The following RBFOX1 variants were observed in gnomAD, a reference collection of about 807,000 sequenced individuals.
RBFOX1 encodes the protein RNA binding fox-1 homolog 1, also known as RNA binding protein fox-1 homolog 1.
A neutral mutation model predicts 57.7 loss-of-function variants in RBFOX1; 8 were observed. The ratio of observed to expected loss-of-function variants is 0.14; its 90% CI spans 0.08 to 0.25. The LOEUF is 0.25. Ranked by LOEUF, RBFOX1 falls within the 10% of genes least tolerant of loss-of-function variation. RBFOX1 has a pLI of 1.00. For missense variants in RBFOX1, 611 were observed against 548.5 expected (o/e 1.11, Z -1.14); for synonymous variants, 326 against 222.4 (o/e 1.47, Z -4.15).
chr16:7,104,603 C>G (rs1191658535), intron 4 of RBFOX1, among the ~76,000 whole-genome samples: 1 of 152,146 alleles, frequency 6.6e-6, no homozygotes, highest in Non-Finnish European at 1.5e-5. Context: ...GTCAGGACCT[C>G]TTGCTGTGAT....
intron 4 of RBFOX1, among the ~76,000 whole-genome samples, chr16:5,993,215 A>C (rs145765600): frequency 6.6e-6 from 1 of 152,254 alleles, no homozygotes; most frequent in East Asian, 1.9e-4. Context: ...GGTACCTCAG[A>C]GTAACTGTTA....
intron 3 of RBFOX1, among the ~76,000 whole-genome samples, chr16:5,715,747 C>A (rs542400329): frequency 8.5e-5 from 13 of 152,258 alleles, no homozygotes; most frequent in African/African-American, 3.1e-4. Flanking sequence ...TTTTGAGATG[C>A]CTGTGCTGGA....
intron 2 of RBFOX1, among the ~76,000 whole-genome samples, chr16:6,541,727 T>C (rs1053882205): frequency 1.3e-5 from 2 of 152,124 alleles, no homozygotes; most frequent in African/African-American, 2.4e-5. Context: ...GCTGCTAAGA[T>C]AGTAGCTGTG....
chr16:5,950,718 C>T (rs1196639339), intron 4 of RBFOX1, among the ~76,000 whole-genome samples: 3 of 152,204 alleles, frequency 2.0e-5, no homozygotes, highest in Non-Finnish European at 4.4e-5. Context: ...ATTTATCAGG[C>T]ACCTACTGGG....
intron 4 of RBFOX1, among the ~76,000 whole-genome samples, chr16:5,972,255 C>A (rs567221262): frequency 1.2e-3 from 181 of 152,190 alleles, no homozygotes; most frequent in African/African-American, 4.2e-3. Context: ...CTCTGGAGAA[C>A]CCTGACTAAT....
chr16:7,492,900 T>G (rs1276955889), intron 4 of RBFOX1, among the ~76,000 whole-genome samples: 2 of 151,926 alleles, frequency 1.3e-5, no homozygotes, highest in African/African-American at 4.8e-5. Flanking sequence ...TAATTAAGCC[T>G]CTCTTTTTTG....
At chr16:6,407,008 G>C (rs991295996) in intron 2 of RBFOX1, among the ~76,000 whole-genome samples, 6 of 152,118 alleles carry the variant, frequency 3.9e-5, no homozygotes, top group African/African-American at 1.4e-4. Flanking sequence ...GTCCCAATGA[G>C]ATAAACTCTT....
chr16:5,243,262 G>A (rs1344785452), intron 1 of RBFOX1, among the ~76,000 whole-genome samples: 1 of 152,206 alleles, frequency 6.6e-6, no homozygotes, highest in Non-Finnish European at 1.5e-5. Context: ...AGAGATTTCT[G>A]TGTTGTCAGG....
chr16:5,966,994 G>GC (rs2059857525), intron 4 of RBFOX1, among the ~76,000 whole-genome samples: 1 of 133,724 alleles, frequency 7.5e-6, no homozygotes, highest in Non-Finnish European at 1.6e-5. Flanking sequence ...ACTAAATCGG[G>GC]GGGGGGGGGG....
At chr16:7,651,619 G>A (rs766589675) in intron 11 of RBFOX1, among the ~76,000 whole-genome samples, 76 of 152,320 alleles carry the variant, frequency 5.0e-4, no homozygotes, top group Middle Eastern at 3.4e-3. Context: ...GCTGATAGCG[G>A]GAAGGGAAGA....
intron 4 of RBFOX1, among the ~76,000 whole-genome samples, chr16:5,944,235 C>G (rs1041970641): frequency 6.6e-6 from 1 of 152,192 alleles, no homozygotes; most frequent in Non-Finnish European, 1.5e-5. Context: ...GATACATGGG[C>G]TACACTCCTT....
In RBFOX1 at chr16:7,060,171, G is replaced by C. The variant is rs117271941; in HGVS notation, c.27+8073G>C. 9.2e-5 allele frequency among the ~76,000 whole-genome samples: 14 copies of C among 152,196 alleles called. No homozygotes were observed. The East Asian group carries it at 2.7e-3, about 29-fold the overall frequency. On this transcript the variant is annotated intron_variant, in intron 4 of 15. Transcript: ENST00000550418. Reference sequence around the variant, plus strand: ...CTATTTTAGGACCTGAAGGCCATAGGGTCTCCATTGCCCCCACTCGACACT... The same window carrying C: ...CTATTTTAGGACCTGAAGGCCATAGCGTCTCCATTGCCCCCACTCGACACT...
At chr16:7,617,472 G>C (rs1555675988) in intron 10 of RBFOX1, among the ~76,000 whole-genome samples, 1 of 152,096 alleles carries the variant, frequency 6.6e-6, no homozygotes, top group East Asian at 1.9e-4. Flanking sequence ...GAAGAGCTCA[G>C]CGGTAATAAA....
chr16:7,368,962 T>C (rs949615746), intron 4 of RBFOX1, among the ~76,000 whole-genome samples: 3 of 152,084 alleles, frequency 2.0e-5, no homozygotes, highest in Non-Finnish European at 2.9e-5. Flanking sequence ...ATCTTTCTTT[T>C]TTTTAACACA....
At chr16:6,291,278 C>A (rs1164150405) in intron 1 of RBFOX1, among the ~76,000 whole-genome samples, 1 of 152,138 alleles carries the variant, frequency 6.6e-6, no homozygotes, top group East Asian at 1.9e-4. Flanking sequence ...AGGTCTCAGC[C>A]TCATTTTACT....
intron 1 of RBFOX1, among the ~76,000 whole-genome samples, chr16:6,135,115 G>A (rs1175710692): frequency 6.6e-6 from 1 of 152,056 alleles, no homozygotes; most frequent in South Asian, 2.1e-4. Flanking sequence ...TTGTCCTTGC[G>A]ATAGTTTGCT....
intron 2 of RBFOX1, among the ~76,000 whole-genome samples, chr16:6,547,994 T>A (rs1207092554): frequency 6.6e-6 from 1 of 152,188 alleles, no homozygotes; most frequent in South Asian, 2.1e-4. Context: ...TGAAAGTCCT[T>A]TAATCATAGC....
intron 5 of RBFOX1, among the ~76,000 whole-genome samples, chr16:7,567,057 G>C (rs1003088797): frequency 6.6e-6 from 1 of 150,978 alleles, no homozygotes; most frequent in Non-Finnish European, 1.5e-5. Context: ...CTGCCTGAGC[G>C]ACCCACTCTA....
At chr16:5,489,996 CTGT>C (rs2042773122) in intron 2 of RBFOX1, among the ~76,000 whole-genome samples, 1 of 152,234 alleles carries the variant, frequency 6.6e-6, no homozygotes, top group Admixed American at 6.5e-5. Flanking sequence ...TCACTGCTGT[CTGT>C]CTTGGTGCTG....
Sources: allele counts gnomAD v4.1 joint callset (sites outside exome capture counted in the v4.1 genomes callset), GRCh38; gene constraint gnomAD v4.1.1; transcripts MANE v1.5; gene names NCBI Gene and HGNC (gene_info 2026-07-23, HGNC 2026-07-21).